The following PTBP2 variants were observed in gnomAD, a reference collection of about 807,000 sequenced individuals.
PTBP2 encodes polypyrimidine tract binding protein 2, also known as polypyrimidine tract-binding protein 2.
In PTBP2, 13 loss-of-function variants were observed where a neutral mutation model predicts 61.4. The observed-to-expected ratio is 0.21, with a 90% CI of 0.14 to 0.34. PTBP2 has a LOEUF of 0.34. PTBP2 is among the 10% of genes least tolerant of loss of function. PTBP2 has a pLI of 1.00. For missense variants in PTBP2, 405 were observed against 642.6 expected (o/e 0.63, Z 4.00); for synonymous variants, 215 against 218.5 (o/e 0.98, Z 0.14).
chr1:96,761,881 C>T (rs1286383425), intron 3 of PTBP2, among the ~76,000 whole-genome samples: 1 of 152,106 alleles, frequency 6.6e-6, no homozygotes, highest in African/African-American at 2.4e-5. Flanking sequence ...GCAGAGGACC[C>T]TGCGGACTTC....
intron 8 of PTBP2, among the ~76,000 whole-genome samples, chr1:96,797,989 AG>A (rs1210507508): frequency 2.7e-5 from 4 of 149,754 alleles, no homozygotes; most frequent in Non-Finnish European, 5.9e-5. Flanking sequence ...CGCAGGAGAA[AG>A]GCGTGAACCC....
chr1:96,820,143 C>G (rs1557790454), exon 14 of PTBP2: 1 of 151,894 alleles, frequency 6.6e-6, no homozygotes, highest in Non-Finnish European at 1.5e-5. Context: ...CATATGTTCA[C>G]TTATAAGGAT....
chr1:96,793,245 T>A (rs1313317909), intron 8 of PTBP2, among the ~76,000 whole-genome samples: 1 of 152,244 alleles, frequency 6.6e-6, no homozygotes, highest in African/African-American at 2.4e-5. Context: ...TATTGAACTG[T>A]CCTCTGCTTT....
At chr1:96,759,146 A>C (rs1191103672) in intron 3 of PTBP2, among the ~76,000 whole-genome samples, 1 of 152,226 alleles carries the variant, frequency 6.6e-6, no homozygotes, top group African/African-American at 2.4e-5. Context: ...AAAGACTTAC[A>C]TGAAGACGTA....
At chr1:96,731,584 T>C (rs1419029209) in intron 2 of PTBP2, among the ~76,000 whole-genome samples, 1 of 152,186 alleles carries the variant, frequency 6.6e-6, no homozygotes, top group Non-Finnish European at 1.5e-5. Context: ...AGGATTTTAA[T>C]AGTTCCACAA....
chr1:96,723,718 T>G, intron 2 of PTBP2, 124 bp downstream of exon 2: 1 of 823,956 alleles, frequency 1.2e-6, no homozygotes, highest in Non-Finnish European at 1.9e-6. Context: ...AAATGTTTCC[T>G]TTCATTTGTA....
intron 8 of PTBP2, among the ~76,000 whole-genome samples, chr1:96,799,257 T>A (rs1232629300): frequency 6.6e-6 from 1 of 151,608 alleles, no homozygotes; most frequent in Non-Finnish European, 1.5e-5. Context: ...TCTTTTACAT[T>A]GTTTTATCTT....
rs1323235109 is a variant in PTBP2 at position 96,814,183 on chromosome 1, ATGTCT to A, written c.*782_*786del. ...ATCATATAAATGTCAGCACTAAGTAATGTCTTGTTTGTGGCTGAATATTTTTCGTA... is the reference window on the plus strand; with the variant it reads ...ATCATATAAATGTCAGCACTAAGTAATGTTTGTGGCTGAATATTTTTCGTA... On this transcript the variant is annotated 3_prime_UTR_variant, in exon 14 of 14. Transcript: ENST00000674951. 5 of 152,610 alleles carry A rather than the reference ATGTCT, an allele frequency of 3.3e-5. No homozygotes were observed. Among genetic ancestry groups the A allele is most frequent in the African/African-American group, 9.6e-5 (4 of 41,566 alleles). The allele number at this position is 152,610 out of a possible 1,614,324, so 9.5% of individuals were successfully genotyped here.
At chr1:96,771,897 G>C (rs147420440) in intron 5 of PTBP2, among the ~76,000 whole-genome samples, 32 of 152,184 alleles carry the variant, frequency 2.1e-4, no homozygotes, top group Middle Eastern at 3.4e-3. Flanking sequence ...AGCTATTTTG[G>C]AAGTATACAG....
chr1:96,799,679 A>G (rs1660779532), intron 8 of PTBP2, among the ~76,000 whole-genome samples: 1 of 152,206 alleles, frequency 6.6e-6, no homozygotes, highest in Non-Finnish European at 1.5e-5. Context: ...GCCAGTGTAT[A>G]CAATATGTGT....
At chr1:96,734,639 GC>G (rs1256637086) in intron 2 of PTBP2, among the ~76,000 whole-genome samples, 8 of 151,596 alleles carry the variant, frequency 5.3e-5, no homozygotes, top group Non-Finnish European at 7.4e-5. Flanking sequence ...TTACACAGTT[GC>G]CTATAGACTA....
In PTBP2 at chr1:96,806,855, C is replaced by T. The variant is rs1307247158; in HGVS notation, c.1079-11C>T. The T allele has an allele frequency of 6.2e-7, 1 of 1,600,280 alleles. No homozygotes were observed. The highest frequency in any genetic ancestry group is 8.5e-7 in the Non-Finnish European group (1 of 1,173,368). On this transcript the variant is annotated splice_polypyrimidine_tract_variant and intron_variant, in intron 10 of 13. Transcript: ENST00000674951. Reference sequence around the variant, plus strand: ...CCATTTTTGGATTACCTCTCTGTGGCTCCAAAAAAGGTGTTTATGGAGATG... The same window carrying T: ...CCATTTTTGGATTACCTCTCTGTGGTTCCAAAAAAGGTGTTTATGGAGATG...
intron 2 of PTBP2, among the ~76,000 whole-genome samples, chr1:96,726,275 CTT>C (rs564018394): frequency 8.8e-5 from 11 of 125,632 alleles, no homozygotes; most frequent in Non-Finnish European, 1.4e-4. Context: ...CACATCTTGC[CTT>C]TTTTTTTTTT....
rs77687807 is a variant in PTBP2, at chr1:96,742,198, A to G, written c.40-9227A>G. On this transcript the variant is annotated intron_variant, in intron 2 of 13. Transcript: ENST00000674951. Reference sequence around the variant, plus strand: ...TTTTTTTTGAGCTGAAAGGCAGAGAACTATAACATTTCTTTGAAGAATTTT... The same window carrying G: ...TTTTTTTTGAGCTGAAAGGCAGAGAGCTATAACATTTCTTTGAAGAATTTT... Among the ~76,000 whole-genome samples the G allele has an allele frequency of 7.5e-3, 1,144 of 152,300 alleles. 48 individuals carry two copies. The East Asian group carries it at 0.12, about 15-fold the overall frequency.
intron 8 of PTBP2, 109 bp from the exon 9 acceptor site, chr1:96,804,691 T>A (rs1298938674): frequency 4.7e-6 from 5 of 1,062,706 alleles, no homozygotes; most frequent in Non-Finnish European, 6.6e-6. Context: ...CCATTTGGAA[T>A]GGTCAGCCGT....
intron 3 of PTBP2, among the ~76,000 whole-genome samples, chr1:96,762,764 C>T (rs1427363953): frequency 2.6e-5 from 4 of 151,912 alleles, no homozygotes; most frequent in Non-Finnish European, 5.9e-5. Context: ...CGGGCGGAGA[C>T]GCTCCTCACT....
At chr1:96,771,043 G>T (rs1043001119) in intron 5 of PTBP2, 192 bp downstream of exon 5, 1 of 429,106 alleles carries the variant, frequency 2.3e-6, no homozygotes, top group Non-Finnish European at 4.0e-6. Context: ...TAATCCCCTG[G>T]TCAAATGTTC....
At chr1:96,791,104 T>C (rs1024596991) in intron 8 of PTBP2, among the ~76,000 whole-genome samples, 10 of 152,194 alleles carry the variant, frequency 6.6e-5, no homozygotes, top group African/African-American at 2.4e-4. Context: ...TGTGTACTTT[T>C]GTGTAGTCTG....
At chr1:96,793,613 C>T (rs748532283) in intron 8 of PTBP2, among the ~76,000 whole-genome samples, 24 of 152,114 alleles carry the variant, frequency 1.6e-4, no homozygotes, top group African/African-American at 3.9e-4. Flanking sequence ...CCTCGTGATC[C>T]GCCCACCTTG....
Sources: allele counts gnomAD v4.1 joint callset (sites outside exome capture counted in the v4.1 genomes callset), GRCh38; gene constraint gnomAD v4.1.1; transcripts MANE v1.5; gene names NCBI Gene and HGNC (gene_info 2026-07-23, HGNC 2026-07-21).